BMP2K: variants seen among roughly 807,000 people sequenced by gnomAD.
The protein encoded by BMP2K is BMP2 inducible kinase, also known as BMP-2-inducible protein kinase.
A neutral mutation model predicts 116.0 loss-of-function variants in BMP2K; 74 were observed. The observed-to-expected ratio is 0.64, with a 90% CI of 0.53 to 0.77. BMP2K has a LOEUF of 0.77. Among genes scored for constraint, BMP2K ranks in the 30% least tolerant of loss-of-function variants. BMP2K has a pLI of 0.00. For synonymous variants in BMP2K, 486 were observed against 502.5 expected, an observed-to-expected ratio of 0.97 and a Z score of 0.44; for missense variants, 1,365 against 1,403.6, an observed-to-expected ratio of 0.97 and a Z score of 0.44.
chr4:78,883,541 A>T (rs1244594458), intron 14 of BMP2K, among the ~76,000 whole-genome samples: 11 of 152,226 alleles, frequency 7.2e-5, no homozygotes. Flanking sequence ...AGCATAGAGC[A>T]GTATCTTCCA....
intron 1 of BMP2K, among the ~76,000 whole-genome samples, chr4:78,805,948 G>C (rs1276045553): frequency 6.6e-6 from 1 of 152,112 alleles, no homozygotes; most frequent in Non-Finnish European, 1.5e-5. Flanking sequence ...TCTAGCCTGG[G>C]CGACAGAGTG....
intron 1 of BMP2K, among the ~76,000 whole-genome samples, chr4:78,798,430 A>G (rs1454137342): frequency 6.6e-6 from 1 of 152,246 alleles, no homozygotes; most frequent in Non-Finnish European, 1.5e-5. Context: ...AGTCTCATCA[A>G]GGGAGAACAT....
intron 10 of BMP2K, among the ~76,000 whole-genome samples, chr4:78,866,959 C>T (rs1732081690): frequency 6.6e-6 from 1 of 151,984 alleles, no homozygotes; most frequent in Non-Finnish European, 1.5e-5. Context: ...TGCTTGTAAT[C>T]CCAGCACTTT....
intron 7 of BMP2K, among the ~76,000 whole-genome samples, chr4:78,858,688 T>A (rs1731618591): frequency 6.6e-6 from 1 of 151,924 alleles, no homozygotes; most frequent in Non-Finnish European, 1.5e-5. Context: ...TAGATCTCTC[T>A]ATACATTATT....
rs375992240 is a variant in BMP2K at position 78,842,840 on chromosome 4, C to T, written c.546+313C>T. The stretch of plus-strand genomic sequence containing the variant: ...TTTCATTGACATATGTTAAATGTCT[C>T]TCCACACTATTGTCTCTCAGTTCAG... On this transcript the variant is annotated intron_variant, in intron 4 of 15. Transcript: ENST00000502613. Among the ~76,000 whole-genome samples, 3 of 151,964 alleles carry T rather than the reference C, an allele frequency of 2.0e-5. No homozygotes were observed. In the South Asian group the frequency reaches 6.2e-4, roughly 32 times the overall value.
intron 14 of BMP2K, among the ~76,000 whole-genome samples, chr4:78,881,667 G>A (rs776193524): frequency 1.3e-5 from 2 of 151,754 alleles, no homozygotes; most frequent in Non-Finnish European, 2.9e-5. Flanking sequence ...TTATATTGAT[G>A]GGCAAAAGAC....
intron 1 of BMP2K, among the ~76,000 whole-genome samples, chr4:78,803,015 A>G (rs1213601825): frequency 6.6e-6 from 1 of 151,782 alleles, no homozygotes; most frequent in East Asian, 1.9e-4. Flanking sequence ...ACGCCCAGCT[A>G]ATTTTTGTAT....
At chr4:78,830,622 T>A (rs1730164213) in intron 2 of BMP2K, among the ~76,000 whole-genome samples, 1 of 152,236 alleles carries the variant, frequency 6.6e-6, no homozygotes, top group Non-Finnish European at 1.5e-5. Context: ...CCTTCATCAG[T>A]TGTCTTAGTT....
intron 1 of BMP2K, among the ~76,000 whole-genome samples, chr4:78,797,971 C>T (rs370719188): frequency 1.3e-4 from 20 of 152,220 alleles, no homozygotes; most frequent in South Asian, 6.2e-4. Context: ...TGTGCCACCA[C>T]GCCTGACTAA....
At chr4:78,792,385 G>A (rs1175208896) in intron 1 of BMP2K, among the ~76,000 whole-genome samples, 1 of 152,188 alleles carries the variant, frequency 6.6e-6, no homozygotes, top group East Asian at 1.9e-4. Flanking sequence ...TGATGGAGTT[G>A]TTTGCTGAAG....
intron 13 of BMP2K, among the ~76,000 whole-genome samples, chr4:78,878,200 T>C (rs1732723023): frequency 6.6e-6 from 1 of 152,124 alleles, no homozygotes; most frequent in African/African-American, 2.4e-5. Flanking sequence ...TAGCTATATA[T>C]AGGGAATGCC....
chr4:78,800,137 G>A (rs1224951105), intron 1 of BMP2K, among the ~76,000 whole-genome samples: 1 of 152,126 alleles, frequency 6.6e-6, no homozygotes, highest in Non-Finnish European at 1.5e-5. Flanking sequence ...TTGGACTCAG[G>A]CAGAATGTAT....
intron 15 of BMP2K, among the ~76,000 whole-genome samples, chr4:78,897,374 T>C (rs1733756530): frequency 6.6e-6 from 1 of 152,148 alleles, no homozygotes; most frequent in Non-Finnish European, 1.5e-5. Flanking sequence ...AATTAAAATT[T>C]AGTGCTGTTT....
chr4:78,870,669 T>C, intron 10 of BMP2K, 114 bp from the exon 11 acceptor site: 1 of 1,375,112 alleles, frequency 7.3e-7, no homozygotes, highest in Non-Finnish European at 9.7e-7. Context: ...TTTTGTGTTA[T>C]AAATAAGGAT....
chr4:78,897,944 A>G (rs1733789924), intron 15 of BMP2K, among the ~76,000 whole-genome samples: 1 of 152,188 alleles, frequency 6.6e-6, no homozygotes, highest in South Asian at 2.1e-4. Flanking sequence ...ACAATAGATA[A>G]ATTATTCTGT....
chr4:78,850,535 T>G (rs1267689146), intron 6 of BMP2K, among the ~76,000 whole-genome samples: 1 of 151,960 alleles, frequency 6.6e-6, no homozygotes, highest in Non-Finnish European at 1.5e-5. Context: ...CCCAGGACTT[T>G]TAAACATGCT....
At chr4:78,806,533 G>A (rs1387291417) in intron 1 of BMP2K, among the ~76,000 whole-genome samples, 3 of 152,064 alleles carry the variant, frequency 2.0e-5, no homozygotes, top group Non-Finnish European at 4.4e-5. Flanking sequence ...TTTCAATCTG[G>A]ATGACCTTTT....
chr4:78,837,512 C>T (rs1445879228), intron 3 of BMP2K, among the ~76,000 whole-genome samples: 7 of 152,174 alleles, frequency 4.6e-5, no homozygotes, highest in African/African-American at 1.7e-4. Flanking sequence ...TTCGTGTTCT[C>T]TCAGTGTTCT....
chr4:78,780,739 C>T (rs1727465161), intron 1 of BMP2K, among the ~76,000 whole-genome samples: 2 of 152,096 alleles, frequency 1.3e-5, no homozygotes, highest in South Asian at 2.1e-4. Context: ...TAGTAGAGGA[C>T]AATAGTGGAG....
Sources: gnomAD v4.1 joint callset for allele counts (sites outside exome capture counted in the v4.1 genomes callset) on GRCh38, gnomAD v4.1.1 for gene constraint, MANE v1.5 for transcripts, NCBI Gene and HGNC (gene_info 2026-07-23, HGNC 2026-07-21) for gene names.